Variants in HAUS7 observed in about 807,000 individuals in gnomAD.
HAUS7 encodes the protein HAUS augmin-like complex subunit 7.
Under a neutral mutation model 28.4 loss-of-function variants are expected in HAUS7, and 3 were observed. The observed-to-expected ratio is 0.11, with a 90% CI of 0.05 to 0.27. The LOEUF (loss-of-function observed/expected upper bound fraction) is 0.27. Among genes scored for constraint, HAUS7 ranks in the 10% least tolerant of loss-of-function variants. HAUS7 has a pLI of 1.00. For synonymous variants in HAUS7, 165 were observed against 132.1 expected (o/e 1.25, Z -1.71); for missense variants, 284 against 297.3 (o/e 0.96, Z 0.33).
In HAUS7 at chrX:153,455,497, A is replaced by G. The variant is rs782443125; in HGVS notation, c.930+45T>C. ...AGGATATAAGCTCTCAGTCTGAGTG[A>G]ACAGGGGAGGGGGCGGTTAGAGGGG... is the stretch of plus-strand genomic sequence containing the variant. On this transcript the variant is annotated intron_variant, in intron 8 of 9. Transcript: ENST00000370211. 1.5e-5 allele frequency: 13 copies of G among 868,125 alleles called. No individual in the cohort carries two copies. In the East Asian group the frequency reaches 3.8e-4, roughly 25 times the overall value. 71.5% of individuals were successfully genotyped at this position (868,125 alleles called of 1,213,427 possible).
chrX:153,490,079 C>T (rs1289540862), intron 1 of HAUS7, among the ~76,000 whole-genome samples: 4 of 112,844 alleles, frequency 3.5e-5, no homozygotes, highest in African/African-American at 1.3e-4. Flanking sequence ...TTCCCACTCC[C>T]ACCAGAGCCT....
At chrX:153,484,375 A>G (rs1013024022) in intron 1 of HAUS7, among the ~76,000 whole-genome samples, 6 of 112,559 alleles carry the variant, frequency 5.3e-5, no homozygotes, top group Non-Finnish European at 9.4e-5. Context: ...GTCAAGGGCA[A>G]TTCCCTGGAT....
At chrX:153,481,269 C>T in intron 1 of HAUS7, 1 of 660,419 alleles carries the variant, frequency 1.5e-6, no homozygotes. Flanking sequence ...GGCTGAGTCA[C>T]TGGCAGGCCC....
intron 3 of HAUS7, among the ~76,000 whole-genome samples, 198 bp downstream of exon 3, chrX:153,464,790 G>A (rs782543991): frequency 8.9e-6 from 1 of 112,278 alleles, no homozygotes; most frequent in South Asian, 3.7e-4. Context: ...CAGCGCTGCA[G>A]GGACTGATGT....
At chrX:153,458,574 G>T (rs1602933681) in intron 4 of HAUS7, among the ~76,000 whole-genome samples, 1 of 112,423 alleles carries the variant, frequency 8.9e-6, no homozygotes, top group East Asian at 2.8e-4. Flanking sequence ...ACAGGATTTT[G>T]TGTGCATGTA....
At chrX:153,486,900 G>A in intron 1 of HAUS7, 1 of 806,009 alleles carries the variant, frequency 1.2e-6, no homozygotes, top group East Asian at 8.0e-5. Flanking sequence ...GCACCACTGG[G>A]AGAAAGGTCT....
chrX:153,488,517 C>T (rs1369304155), intron 1 of HAUS7, among the ~76,000 whole-genome samples: 16 of 112,759 alleles, frequency 1.4e-4, no homozygotes, highest in African/African-American at 5.1e-4. Flanking sequence ...GTGGCGGGGG[C>T]GGGAGAGGCC....
chrX:153,455,858 G>A (rs1048728237), intron 7 of HAUS7, 92 bp from the exon 8 acceptor site: 6 of 534,993 alleles, frequency 1.1e-5, no homozygotes, highest in East Asian at 1.0e-4. Flanking sequence ...CACCCAGGGC[G>A]AGGAAGAAAG....
intron 3 of HAUS7, among the ~76,000 whole-genome samples, chrX:153,464,300 G>A (rs782714156): frequency 1.8e-5 from 2 of 112,824 alleles, no homozygotes; most frequent in African/African-American, 3.2e-5. Flanking sequence ...CCAGGGAGAA[G>A]GGCAGTGCCT....
At chrX:153,453,234 G>A (rs1377117226) in intron 9 of HAUS7, among the ~76,000 whole-genome samples, 4 of 111,905 alleles carry the variant, frequency 3.6e-5, no homozygotes, top group East Asian at 2.8e-4. Context: ...GACAGACAGC[G>A]TCTCTATGAC....
At position 153,456,554 on chromosome X, in the gene HAUS7, A is replaced by C; in HGVS notation, c.544T>G (p.Cys182Gly). The C allele has an allele frequency of 8.5e-7, 1 of 1,175,571 alleles. No homozygotes were observed. Among genetic ancestry groups the C allele is most frequent in the Non-Finnish European group, 1.1e-6 (1 of 876,994 alleles). ...TGCATGTCCAGGGGCCACGGGTCGC[A>C]CTCTGGATTCAGGAGCATCTGCAGG... ...PHLQMLLNPE[C>G]DPWPLDMQPL... The change falls in exon 6 of 10, where the codon TGC becomes GGC. Residue 182 changes from cysteine to glycine, a missense_variant. By Grantham distance (159) the Cys-to-Gly change is radical (BLOSUM62 -3). Transcript: ENST00000370211.
intron 4 of HAUS7, among the ~76,000 whole-genome samples, chrX:153,460,688 G>A (rs112905178): frequency 0.047 from 5,214 of 111,875 alleles, 265 homozygotes; most frequent in African/African-American, 0.14. Context: ...TAAAGCAAGC[G>A]CAGTGCTCCC....
intron 1 of HAUS7, among the ~76,000 whole-genome samples, chrX:153,487,904 C>T (rs1162739828): frequency 8.9e-6 from 1 of 112,923 alleles, no homozygotes; most frequent in Non-Finnish European, 1.9e-5. Context: ...GCCATTGCCC[C>T]GTTGGCCTGC....
Position 153,486,680 on chromosome X carries a change from A to C in HAUS7, c.-589+8694T>G, listed in dbSNP as rs183431254. On this transcript the variant is annotated intron_variant, in intron 1 of 5. Coordinates refer to the HAUS7 transcript ENST00000370210. ...GACATGCGCGTGGCTCAGGACTCCA[A>C]CCTTACCTCCACACACCTGGAGAAC... The C allele has an allele frequency of 1.0e-4, 98 of 980,601 alleles. 1 individual carries two copies. In the African/African-American group the frequency reaches 1.6e-3, roughly 16 times the overall value. The allele number at this position is 980,601 out of a possible 1,213,427, so 80.8% of individuals were successfully genotyped here. A position where few individuals can be genotyped will look rare whatever the true frequency, so the allele number is the denominator to read the frequency against.
chrX:153,491,296 C>T (rs2089669597), intron 1 of HAUS7, among the ~76,000 whole-genome samples: 1 of 112,479 alleles, frequency 8.9e-6, no homozygotes, highest in Non-Finnish European at 1.9e-5. Flanking sequence ...CCAAATGGGA[C>T]CAGAGAGCTC....
intron 1 of HAUS7, chrX:153,483,455 G>A (rs1040036618): frequency 1.3e-6 from 1 of 755,824 alleles, no homozygotes; most frequent in Non-Finnish European, 1.6e-6. Context: ...GTGAGTGGCA[G>A]TCCCAGAGCT....
intron 1 of HAUS7, among the ~76,000 whole-genome samples, chrX:153,488,510 G>A (rs1200509722): frequency 8.9e-6 from 1 of 112,918 alleles, no homozygotes; most frequent in Admixed American, 9.3e-5. Context: ...CCAGACTGTG[G>A]CGGGGGCGGG....
intron 4 of HAUS7, 73 bp downstream of exon 4, chrX:153,462,537 C>A: frequency 1.2e-6 from 1 of 849,848 alleles, no homozygotes; most frequent in South Asian, 2.1e-5. Flanking sequence ...CCACCTCAGC[C>A]AGCACCATGA....
chrX:153,483,080 A>C (rs1208270720), intron 1 of HAUS7, among the ~76,000 whole-genome samples: 1 of 112,962 alleles, frequency 8.9e-6, no homozygotes, highest in Non-Finnish European at 1.9e-5. Flanking sequence ...GGGTTCTCTG[A>C]GTAAGGCCCA....
Sources: gnomAD v4.1 joint callset for allele counts (sites outside exome capture counted in the v4.1 genomes callset) on GRCh38, gnomAD v4.1.1 for gene constraint, MANE v1.5 for transcripts, NCBI Gene and HGNC (gene_info 2026-07-23, HGNC 2026-07-21) for gene names.